Variants in MAPK4 observed in about 807,000 individuals in gnomAD.
The protein encoded by MAPK4 is Erk3-related.
Under a neutral mutation model 47.7 loss-of-function variants are expected in MAPK4, and 22 were observed. The ratio of observed to expected loss-of-function variants is 0.46; its 90% CI spans 0.33 to 0.66. The LOEUF (loss-of-function observed/expected upper bound fraction) is 0.66, where lower values mean the gene tolerates loss of function less well. Ranked by LOEUF, MAPK4 falls within the 30% of genes least tolerant of loss-of-function variation. The pLI, the probability that MAPK4 is intolerant of heterozygous loss-of-function variation, is 0.02. For synonymous variants in MAPK4, 390 were observed against 365.7 expected, an observed-to-expected ratio of 1.07 and a Z score of -0.76; for missense variants, 736 against 831.7, an observed-to-expected ratio of 0.88 and a Z score of 1.42.
rs554329245 is a variant in MAPK4, at chr18:50,561,448, G to A, written c.-871+1205G>A. Among the ~76,000 whole-genome samples, 5 of 152,308 alleles carry A rather than the reference G, an allele frequency of 3.3e-5. No individual in the cohort carries two copies. In the South Asian group the frequency reaches 1.0e-3, roughly 32 times the overall value. On this transcript the variant is annotated intron_variant, in intron 1 of 5. Coordinates refer to ENST00000400384, the MANE Select transcript of MAPK4 (RefSeq NM_002747.4). ...TGGATATGTATTGAGCACCTACCCC[G>A]TGCGAAGGTGAAGCGTCATGACGTT... is the stretch of plus-strand genomic sequence containing the variant.
At chr18:50,669,430 G>A (rs1265222518) in intron 2 of MAPK4, 1 of 152,294 alleles carries the variant, frequency 6.6e-6, no homozygotes, top group African/African-American at 2.4e-5. Context: ...CGGTGAGAGT[G>A]TGTTGCTCCA....
chr18:50,575,651 A>G (rs2042287998), intron 1 of MAPK4, among the ~76,000 whole-genome samples: 1 of 152,158 alleles, frequency 6.6e-6, no homozygotes, highest in African/African-American at 2.4e-5. Flanking sequence ...TAATTAAACT[A>G]AAGAGCTCTG....
chr18:50,559,765 A>C (rs1045092246), upstream of MAPK4, among the ~76,000 whole-genome samples: 1 of 151,536 alleles, frequency 6.6e-6, no homozygotes, highest in Non-Finnish European at 1.5e-5. Flanking sequence ...GGCGTGAGGA[A>C]GGGCTTCTGA....
At chr18:50,566,930 C>T (rs1307516080) in intron 1 of MAPK4, among the ~76,000 whole-genome samples, 1 of 152,166 alleles carries the variant, frequency 6.6e-6, no homozygotes. Context: ...CATTTTCAAG[C>T]TCATTTGAAC....
At chr18:50,632,940 G>A (rs548618066) in intron 1 of MAPK4, among the ~76,000 whole-genome samples, 16 of 90,356 alleles carry the variant, frequency 1.8e-4, no homozygotes, top group South Asian at 6.1e-4. Context: ...TATATATACC[G>A]CTGTGCTAAA....
chr18:50,713,235 T>C (rs906553407), intron 2 of MAPK4, among the ~76,000 whole-genome samples: 5 of 152,226 alleles, frequency 3.3e-5, no homozygotes, highest in African/African-American at 4.8e-5. Flanking sequence ...AACTGGTGAA[T>C]TTTACCCTAT....
At chr18:50,575,085 G>A (rs753828908) in intron 1 of MAPK4, among the ~76,000 whole-genome samples, 7 of 152,176 alleles carry the variant, frequency 4.6e-5, no homozygotes, top group East Asian at 1.9e-4. Context: ...TCGGGGAGGC[G>A]TTTAGGTCAC....
chr18:50,659,564 C>T (rs1411553980), intron 1 of MAPK4, among the ~76,000 whole-genome samples: 1 of 152,142 alleles, frequency 6.6e-6, no homozygotes, highest in African/African-American at 2.4e-5. Context: ...GGTTTGCCTC[C>T]GCATGTTAAA....
intron 2 of MAPK4, among the ~76,000 whole-genome samples, chr18:50,672,917 A>G (rs539771328): frequency 6.6e-6 from 1 of 152,298 alleles, no homozygotes; most frequent in Admixed American, 6.5e-5. Context: ...CTTCCCTCAT[A>G]TCAAAGTTCC....
intron 2 of MAPK4, among the ~76,000 whole-genome samples, chr18:50,708,302 T>G (rs1393310239): frequency 6.6e-6 from 1 of 152,200 alleles, no homozygotes; most frequent in Non-Finnish European, 1.5e-5. Context: ...TCTGGGAGGA[T>G]GTTGTTCTTC....
chr18:50,655,559 G>A (rs79202562), intron 1 of MAPK4, among the ~76,000 whole-genome samples: 2 of 152,144 alleles, frequency 1.3e-5, no homozygotes, highest in Non-Finnish European at 2.9e-5. Flanking sequence ...GCACTCCTCT[G>A]GGGTGGAGGG....
At chr18:50,599,434 ATTT>A (rs1004364141) in intron 1 of MAPK4, among the ~76,000 whole-genome samples, 1 of 152,064 alleles carries the variant, frequency 6.6e-6, no homozygotes. Flanking sequence ...TATTATTATT[ATTT>A]TGAGACGGAG....
At chr18:50,574,279 A>G (rs937028548) in intron 1 of MAPK4, among the ~76,000 whole-genome samples, 19 of 152,050 alleles carry the variant, frequency 1.2e-4, no homozygotes, top group African/African-American at 4.6e-4. Flanking sequence ...CTTTTCTTTT[A>G]TGGAATTGGA....
chr18:50,606,395 A>G (rs555967562), intron 1 of MAPK4, among the ~76,000 whole-genome samples: 89 of 150,698 alleles, frequency 5.9e-4, no homozygotes, highest in African/African-American at 2.1e-3. Context: ...TGCCTGTTCA[A>G]AGTAGTGCTT....
chr18:50,598,584 G>A (rs1416563466), intron 1 of MAPK4, among the ~76,000 whole-genome samples: 1 of 152,192 alleles, frequency 6.6e-6, no homozygotes, highest in East Asian at 1.9e-4. Flanking sequence ...TTTAAAACAT[G>A]TCCATATGCC....
At chr18:50,604,128 G>A (rs2042563633) in intron 1 of MAPK4, among the ~76,000 whole-genome samples, 1 of 152,170 alleles carries the variant, frequency 6.6e-6, no homozygotes, top group South Asian at 2.1e-4. Flanking sequence ...GATCATTTAG[G>A]TAGGAAAAAA....
At chr18:50,694,932 C>T (rs1482725633) in intron 2 of MAPK4, among the ~76,000 whole-genome samples, 3 of 152,172 alleles carry the variant, frequency 2.0e-5, no homozygotes, top group African/African-American at 7.2e-5. Flanking sequence ...TACTTCTTTA[C>T]CTGGCCACTC....
chr18:50,723,927 G>A (rs893924721), intron 4 of MAPK4, among the ~76,000 whole-genome samples: 3 of 152,066 alleles, frequency 2.0e-5, no homozygotes, highest in African/African-American at 4.8e-5. Context: ...AGTATCTGGG[G>A]ACCTGCAGGA....
chr18:50,627,449 C>T (rs1219728854), intron 1 of MAPK4, among the ~76,000 whole-genome samples: 3 of 152,190 alleles, frequency 2.0e-5, no homozygotes, highest in Non-Finnish European at 4.4e-5. Flanking sequence ...TCAGGGGTGG[C>T]CCGAGCTCTG....
Sources: allele counts gnomAD v4.1 joint callset (sites outside exome capture counted in the v4.1 genomes callset), GRCh38; gene constraint gnomAD v4.1.1; transcripts MANE v1.5; gene names NCBI Gene and HGNC (gene_info 2026-07-23, HGNC 2026-07-21).